KHDRBS2: variants seen among roughly 807,000 people sequenced by gnomAD.
The protein encoded by KHDRBS2 is KH RNA binding domain containing, signal transduction associated 2, also known as KH domain-containing, RNA-binding, signal transduction-associated protein 2.
Under a neutral mutation model 44.3 loss-of-function variants are expected in KHDRBS2, and 26 were observed. The ratio of observed to expected loss-of-function variants is 0.59; its 90% CI spans 0.43 to 0.81. The LOEUF (loss-of-function observed/expected upper bound fraction) is 0.81, where lower values mean the gene tolerates loss of function less well. KHDRBS2 is among the 40% of genes least tolerant of loss of function. KHDRBS2 has a pLI of 0.00. For synonymous variants in KHDRBS2, 194 were observed against 151.1 expected (o/e 1.28, Z -2.08); for missense variants, 476 against 433.1 (o/e 1.10, Z -0.88).
intron 7 of KHDRBS2, among the ~76,000 whole-genome samples, chr6:61,701,751 A>C (rs1035393050): frequency 1.2e-4 from 18 of 152,086 alleles, no homozygotes; most frequent in Non-Finnish European, 1.6e-4. Flanking sequence ...ACCTCTTGGC[A>C]GGATTTTATA....
chr6:62,231,405 C>A (rs186981802), intron 1 of KHDRBS2, among the ~76,000 whole-genome samples: 1 of 152,260 alleles, frequency 6.6e-6, no homozygotes, highest in Admixed American at 6.5e-5. Context: ...ATCATCAGAT[C>A]TCATGAGAAC....
the KHDRBS2 span, among the ~76,000 whole-genome samples, chr6:61,545,067 A>T: frequency 6.6e-6 from 1 of 152,008 alleles, no homozygotes; most frequent in Non-Finnish European, 1.5e-5. Context: ...GTACCCTAAA[A>T]CTTCAAGTAT....
chr6:61,749,076 A>G (rs1278444501), intron 6 of KHDRBS2, among the ~76,000 whole-genome samples: 1 of 142,178 alleles, frequency 7.0e-6, no homozygotes, highest in South Asian at 2.2e-4. Context: ...GCAGTGGCAC[A>G]ATCTCGGCTC....
At chr6:61,799,548 T>G (rs1785929465) in intron 6 of KHDRBS2, among the ~76,000 whole-genome samples, 1 of 152,044 alleles carries the variant, frequency 6.6e-6, no homozygotes, top group Non-Finnish European at 1.5e-5. Flanking sequence ...GATCTTCCCC[T>G]TTTGGAAAAT....
At chr6:62,054,420 T>A (rs1337379460) in intron 2 of KHDRBS2, among the ~76,000 whole-genome samples, 1 of 152,076 alleles carries the variant, frequency 6.6e-6, no homozygotes, top group East Asian at 1.9e-4. Flanking sequence ...TACAGATCAC[T>A]GACTGAATAA....
chr6:62,103,830 G>T (rs1204738637), intron 2 of KHDRBS2, among the ~76,000 whole-genome samples: 6 of 152,118 alleles, frequency 3.9e-5, no homozygotes, highest in South Asian at 2.1e-4. Flanking sequence ...AGTAGTGAAA[G>T]AAATAAAATT....
intron 4 of KHDRBS2, among the ~76,000 whole-genome samples, chr6:61,949,695 T>C (rs892994459): frequency 1.3e-5 from 2 of 152,100 alleles, no homozygotes; most frequent in African/African-American, 4.8e-5. Flanking sequence ...TTTATGTTTA[T>C]AGATAGTATT....
At position 61,721,329 on chromosome 6, in the gene KHDRBS2, G is replaced by A. The variant is rs143419133; in HGVS notation, c.893+11353C>T. Among the ~76,000 whole-genome samples, 1,175 of 152,210 alleles carry A rather than the reference G, an allele frequency of 7.7e-3. 16 individuals are homozygous for A. The highest frequency in any genetic ancestry group is 0.026 in the African/African-American group (1,100 of 41,524). ...AATTCTGTGAAGAAAGTCACTGGTA[G>A]CTTGATGGGGGTGGCATTGAATCTG... On this transcript the variant is annotated intron_variant, in intron 7 of 8. Coordinates refer to ENST00000281156, the MANE Select transcript of KHDRBS2 (RefSeq NM_152688.4).
chr6:61,776,304 A>T (rs1781987757), intron 6 of KHDRBS2, among the ~76,000 whole-genome samples: 1 of 152,156 alleles, frequency 6.6e-6, no homozygotes, highest in Admixed American at 6.5e-5. Context: ...ATCTAATTAA[A>T]CTAAAGAGCC....
At chr6:62,108,662 G>A (rs1804167730) in intron 2 of KHDRBS2, among the ~76,000 whole-genome samples, 1 of 152,128 alleles carries the variant, frequency 6.6e-6, no homozygotes, top group Admixed American at 6.5e-5. Context: ...GTTCATTGCG[G>A]CACTATTCAC....
intron 1 of KHDRBS2, among the ~76,000 whole-genome samples, chr6:62,278,219 C>T (rs1030374540): frequency 2.6e-5 from 4 of 152,094 alleles, no homozygotes; most frequent in Non-Finnish European, 5.9e-5. Flanking sequence ...ATAGCCAAAC[C>T]AAAAAGAAAG....
At chr6:62,267,421 C>G (rs1839383381) in intron 1 of KHDRBS2, among the ~76,000 whole-genome samples, 1 of 152,012 alleles carries the variant, frequency 6.6e-6, no homozygotes, top group South Asian at 2.1e-4. Context: ...AGTCTTTTAG[C>G]TGCTCTGAGC....
chr6:61,775,608 G>C (rs936824284), intron 6 of KHDRBS2, among the ~76,000 whole-genome samples: 2 of 152,102 alleles, frequency 1.3e-5, no homozygotes, highest in African/African-American at 4.8e-5. Flanking sequence ...CCTCTTCAAG[G>C]AAAACTACAA....
intron 4 of KHDRBS2, among the ~76,000 whole-genome samples, chr6:61,922,242 G>T (rs141653086): frequency 6.6e-6 from 1 of 151,992 alleles, no homozygotes; most frequent in East Asian, 1.9e-4. Context: ...CAAAGCAATG[G>T]ACATCAGGCA....
chr6:62,070,830 T>C (rs906648593), intron 2 of KHDRBS2, among the ~76,000 whole-genome samples: 3 of 152,188 alleles, frequency 2.0e-5, no homozygotes, highest in African/African-American at 7.2e-5. Context: ...AGCAGCATGA[T>C]TTATAATCCT....
chr6:62,031,237 A>C (rs1488094884), intron 3 of KHDRBS2, among the ~76,000 whole-genome samples: 1 of 152,046 alleles, frequency 6.6e-6, no homozygotes, highest in Non-Finnish European at 1.5e-5. Flanking sequence ...TTGAGCCCGG[A>C]ATAACCAGCA....
the KHDRBS2 span, among the ~76,000 whole-genome samples, chr6:61,651,478 C>T: frequency 3.3e-5 from 5 of 152,020 alleles, no homozygotes; most frequent in Non-Finnish European, 5.9e-5. Context: ...CACATGAGGT[C>T]AGGTGTGAAA....
chr6:62,106,637 C>T (rs1357319431), intron 2 of KHDRBS2, among the ~76,000 whole-genome samples: 1 of 151,904 alleles, frequency 6.6e-6, no homozygotes, highest in African/African-American at 2.4e-5. Flanking sequence ...ATACCAAAGC[C>T]GGGCAGAGAC....
chr6:61,985,431 C>T (rs917802767), intron 3 of KHDRBS2, among the ~76,000 whole-genome samples: 17 of 152,102 alleles, frequency 1.1e-4, no homozygotes, highest in African/African-American at 4.1e-4. Context: ...TTAAAAGCTG[C>T]CTTAGAACTA....
Sources: allele counts gnomAD v4.1 joint callset (sites outside exome capture counted in the v4.1 genomes callset), GRCh38; gene constraint gnomAD v4.1.1; transcripts MANE v1.5; gene names NCBI Gene and HGNC (gene_info 2026-07-23, HGNC 2026-07-21).